The following ERC2 variants were observed in gnomAD, a reference collection of about 807,000 sequenced individuals.
ERC2 encodes ELKS/RAB6-interacting/CAST family member 2, also known as ERC protein 2.
In ERC2, 42 loss-of-function variants were observed where a neutral mutation model predicts 114.8. The observed-to-expected ratio is 0.37, with a 90% confidence interval of 0.29 to 0.47. The LOEUF is 0.47. ERC2 is among the 20% of genes least tolerant of loss of function. ERC2 has a pLI of 0.99. For missense variants in ERC2, 939 were observed against 1,150.7 expected (o/e 0.82, Z 2.66); for synonymous variants, 454 against 425.5 (o/e 1.07, Z -0.82).
At chr3:56,180,589 A>C (rs1319504393) in intron 3 of ERC2, among the ~76,000 whole-genome samples, 1 of 152,218 alleles carries the variant, frequency 6.6e-6, no homozygotes. Context: ...CACTTATGAT[A>C]GGTATCTAGA....
intron 13 of ERC2, among the ~76,000 whole-genome samples, chr3:55,924,050 C>A (rs956766696): frequency 6.6e-6 from 1 of 152,124 alleles, no homozygotes; most frequent in African/African-American, 2.4e-5. Flanking sequence ...TGTAAGGAGA[C>A]AGATTTGCCC....
chr3:55,700,305 A>G (rs1415045411), intron 15 of ERC2, among the ~76,000 whole-genome samples: 5 of 152,234 alleles, frequency 3.3e-5, no homozygotes, highest in Non-Finnish European at 7.3e-5. Flanking sequence ...AGACCACGGG[A>G]AAAAAGCAGA....
At chr3:55,960,049 G>C (rs2068247239) in intron 12 of ERC2, among the ~76,000 whole-genome samples, 1 of 152,330 alleles carries the variant, frequency 6.6e-6, no homozygotes, top group East Asian at 1.9e-4. Context: ...TTCCATGAGA[G>C]CTGAAGCCAC....
At position 55,695,395 on chromosome 3, in the gene ERC2, G is replaced by A. The variant is rs2062874107; in HGVS notation, c.2847+3983C>T. On this transcript the variant is annotated intron_variant, in intron 16 of 17. Transcript: ENST00000288221. ...ATTCAATGGCTGTGACCATCCTGGG[G>A]GTCACAGCCCACCAGCTATTAAAAG... 2.0e-5 allele frequency among the ~76,000 whole-genome samples: 3 copies of A among 152,152 alleles called. No individual in the cohort carries two copies. The South Asian group carries it at 6.2e-4, about 32-fold the overall frequency.
chr3:56,316,120 T>C (rs2056850353), intron 2 of ERC2, among the ~76,000 whole-genome samples: 1 of 151,986 alleles, frequency 6.6e-6, no homozygotes, highest in South Asian at 2.1e-4. Context: ...TGCATGACTG[T>C]CCCTCTCTTC....
intron 2 of ERC2, among the ~76,000 whole-genome samples, chr3:56,308,929 T>C (rs2056384048): frequency 6.6e-6 from 1 of 152,184 alleles, no homozygotes; most frequent in Non-Finnish European, 1.5e-5. Context: ...ATTAATCACT[T>C]CCTAGTTTGT....
At chr3:55,848,000 T>C (rs1043333750) in intron 14 of ERC2, among the ~76,000 whole-genome samples, 2 of 152,154 alleles carry the variant, frequency 1.3e-5, no homozygotes, top group Non-Finnish European at 2.9e-5. Context: ...TCTCGCTATG[T>C]TGCCCAGGCT....
intron 14 of ERC2, among the ~76,000 whole-genome samples, chr3:55,878,101 A>T (rs111301692): frequency 9.2e-5 from 14 of 152,316 alleles, no homozygotes; most frequent in African/African-American, 3.1e-4. Flanking sequence ...GAAGATAGAG[A>T]TAACATGAAG....
At chr3:56,301,835 T>C (rs1199125042) in intron 2 of ERC2, among the ~76,000 whole-genome samples, 3 of 152,230 alleles carry the variant, frequency 2.0e-5, no homozygotes, top group Admixed American at 6.5e-5. Flanking sequence ...GGTCTCCCCA[T>C]TTGTAAAAGG....
chr3:56,274,005 C>A (rs1051643920), intron 3 of ERC2, among the ~76,000 whole-genome samples: 1 of 152,184 alleles, frequency 6.6e-6, no homozygotes, highest in African/African-American at 2.4e-5. Context: ...TCACAGTTGT[C>A]TCTTGGTATA....
At chr3:55,635,091 G>C (rs1692167754) in intron 17 of ERC2, among the ~76,000 whole-genome samples, 1 of 152,046 alleles carries the variant, frequency 6.6e-6, no homozygotes, top group South Asian at 2.1e-4. Context: ...TTGTTGGCCA[G>C]GATGGTCTTG....
chr3:55,621,420 A>T (rs925537829), intron 17 of ERC2, among the ~76,000 whole-genome samples: 28 of 152,282 alleles, frequency 1.8e-4, no homozygotes, highest in African/African-American at 6.3e-4. Context: ...ATATTTGGGG[A>T]GTTCATACAG....
chr3:56,325,432 C>T (rs989725676), intron 2 of ERC2, among the ~76,000 whole-genome samples: 7 of 151,804 alleles, frequency 4.6e-5, no homozygotes, highest in Admixed American at 3.9e-4. Flanking sequence ...GGCGACAGAG[C>T]GAGACTCCAT....
At chr3:55,874,517 A>G (rs1408727864) in intron 14 of ERC2, among the ~76,000 whole-genome samples, 1 of 152,098 alleles carries the variant, frequency 6.6e-6, no homozygotes, top group Non-Finnish European at 1.5e-5. Flanking sequence ...GAATTACTTA[A>G]TATGAGAAAT....
At chr3:56,222,233 C>G (rs748695087) in intron 3 of ERC2, among the ~76,000 whole-genome samples, 10 of 152,158 alleles carry the variant, frequency 6.6e-5, no homozygotes, top group Non-Finnish European at 1.0e-4. Context: ...GTTGGAAGGA[C>G]AGAGCAGATT....
At chr3:56,162,317 A>T (rs1333112437) in intron 4 of ERC2, among the ~76,000 whole-genome samples, 2 of 152,160 alleles carry the variant, frequency 1.3e-5, no homozygotes. Context: ...ATCTACATTC[A>T]TCAGGGATAC....
intron 3 of ERC2, among the ~76,000 whole-genome samples, chr3:56,262,330 G>C (rs1486713932): frequency 6.6e-6 from 1 of 152,222 alleles, no homozygotes; most frequent in Non-Finnish European, 1.5e-5. Flanking sequence ...TGAAGGTGAA[G>C]TTGTGGGGGA....
intron 17 of ERC2, among the ~76,000 whole-genome samples, chr3:55,519,591 C>A (rs1575451465): frequency 1.3e-5 from 2 of 152,220 alleles, no homozygotes; most frequent in South Asian, 4.1e-4. Flanking sequence ...GGTCCTGAGA[C>A]CCTGGGACCA....
At chr3:56,370,725 G>C (rs1479923133) in intron 2 of ERC2, among the ~76,000 whole-genome samples, 3 of 151,620 alleles carry the variant, frequency 2.0e-5, no homozygotes, top group South Asian at 4.2e-4. Context: ...CTCCTGAGTA[G>C]CTGGGATTAC....
Sources: allele counts gnomAD v4.1 joint callset (sites outside exome capture counted in the v4.1 genomes callset), GRCh38; gene constraint gnomAD v4.1.1; transcripts MANE v1.5; gene names NCBI Gene and HGNC (gene_info 2026-07-23, HGNC 2026-07-21).